Variants in ZNF548 observed in about 807,000 individuals in gnomAD.
The protein encoded by ZNF548 is zinc finger protein 548.
Under a neutral mutation model 10.2 loss-of-function variants are expected in ZNF548, and 10 were observed. The observed-to-expected ratio is 0.98, with a 90% CI of 0.60 to 1.66. ZNF548 has a LOEUF of 1.66. ZNF548 is among the 40% of genes most tolerant of loss of function. The pLI, the probability that ZNF548 is intolerant of heterozygous loss-of-function variation, is 0.00. For synonymous variants in ZNF548, 217 were observed against 223.5 expected (o/e 0.97, Z 0.26); for missense variants, 599 against 657.0 (o/e 0.91, Z 0.97).
rs1260286107 is a variant in ZNF548, at chr19:57,398,623, T to C, written c.372T>C (p.Tyr124=). The change falls in exon 4 of 4, where the codon TAT becomes TAC. Residue 124 remains tyrosine (Y), a synonymous_variant. Coordinates refer to ENST00000336128, the MANE Select transcript of ZNF548 (RefSeq NM_001172773.2). ...GAATTCATCCTGAGCAACACATATA[T>C]ATTTGTGAGGCAGAGCTTTTTCAGC... ...HNGIHPEQHI[Y]ICEAELFQHP... 1.2e-6 allele frequency: 2 copies of C among 1,613,914 alleles called. No individual in the cohort carries two copies. Among genetic ancestry groups the C allele is most frequent in the African/African-American group, 2.7e-5 (2 of 74,930 alleles).
chr19:57,398,550 CAT>C lies in ZNF548; in HGVS notation c.300_301del (p.Cys101TrpfsTer12). 6.2e-7 allele frequency: 1 copy of C among 1,614,068 alleles called. No individual in the cohort carries two copies. Among genetic ancestry groups the C allele is most frequent in the Non-Finnish European group, 8.5e-7 (1 of 1,179,904 alleles). ...AGCCAGAAGGTCCACCCTAGTGAGA[CAT>C]GTGGCCCACCCTTGAAAGACATTCT... On this transcript the variant is annotated frameshift_variant, in exon 4 of 4. Transcript: ENST00000336128. LOFTEE classifies it low-confidence loss of function (END_TRUNC).
rs1404255847 is a variant in ZNF548, at chr19:57,399,758, C to T, written c.1507C>T (p.His503Tyr). ...ECQKAFIRKS[H>Y]LVHHQKIHSE... ...CCAGAAGGCCTTTATTAGAAAGTCT[C>T]ACCTGGTTCATCACCAGAAAATCCA... The change falls in exon 4 of 4, where the codon CAC becomes TAC. Residue 503 changes from histidine (H) to tyrosine (Y), a missense_variant. Transcript: ENST00000336128. The surrounding 1 kb of genome is among the most constrained non-coding windows in gnomAD (Gnocchi z 4.0). 1 of 1,614,084 alleles carries T rather than the reference C, an allele frequency of 6.2e-7. No individual in the cohort carries two copies. The highest frequency in any genetic ancestry group is 8.5e-7 in the Non-Finnish European group (1 of 1,179,988).
chr19:57,396,970 T>A (rs1568532080), intron 2 of ZNF548, 78 bp from the exon 3 acceptor site: 6 of 1,520,062 alleles, frequency 3.9e-6, no homozygotes, highest in Non-Finnish European at 5.3e-6. Flanking sequence ...GTGGTAAATA[T>A]AAGTAGAAAA....
intron 1 of ZNF548, among the ~76,000 whole-genome samples, chr19:57,393,148 C>G (rs1449370446): frequency 6.6e-6 from 1 of 152,158 alleles, no homozygotes; most frequent in Admixed American, 6.5e-5. Context: ...ATCTACTGCT[C>G]CAGCCAAGGT....
rs750352130 is a variant in ZNF548, at chr19:57,398,850, A to C, written c.599A>C (p.Glu200Ala). 6.2e-7 allele frequency: 1 copy of C among 1,614,010 alleles called. No individual in the cohort carries two copies. The highest frequency in any genetic ancestry group is 8.5e-7 in the Non-Finnish European group (1 of 1,179,892). Reference sequence around the variant, plus strand: ...CCATACAGGGACACAGAGGACAGAGAAGCCTTTCAGACTGGACAAAATGAT... The same window carrying C: ...CCATACAGGGACACAGAGGACAGAGCAGCCTTTCAGACTGGACAAAATGAT... ...WKPYRDTEDR[E>A]AFQTGQNDYK... is the part of the protein sequence containing the mutation. Residue 200 changes from glutamate to alanine, a missense_variant, in exon 4 of 4, where the codon GAA (glutamate) becomes GCA (alanine). Transcript: ENST00000336128.
chr19:57,390,244 C>T (rs1656517248), intron 1 of ZNF548, 130 bp downstream of exon 1: 1 of 1,043,710 alleles, frequency 9.6e-7, no homozygotes, highest in South Asian at 1.8e-5. Context: ...CCCGTATCAG[C>T]CGATTTGATG....
At chr19:57,393,459 G>A (rs1407934151) in intron 1 of ZNF548, among the ~76,000 whole-genome samples, 1 of 151,484 alleles carries the variant, frequency 6.6e-6, no homozygotes, top group Admixed American at 6.6e-5. Flanking sequence ...TCGGGAGTTC[G>A]AGACCAGCCT....
rs752823592 is a variant in ZNF548 at position 57,397,068 on chromosome 19, C to G, written c.72C>G (p.Asp24Glu). 6.2e-7 allele frequency: 1 copy of G among 1,612,826 alleles called. No individual in the cohort carries two copies. The highest frequency in any genetic ancestry group is 8.5e-7 in the Non-Finnish European group (1 of 1,179,366). ...GGCAGGGCCGTGTGGTCTTTGAGGA[C>G]GTGGCCATATATTTCTCCCAGGAGG... ...DPTQGRVVFE[D>E]VAIYFSQEEW... Residue 24 changes from aspartate to glutamate, a missense_variant, in exon 3 of 4, where the codon GAC becomes GAG. Transcript: ENST00000336128.
At chr19:57,394,014 G>T (rs1056982328) in intron 1 of ZNF548, 174 bp from the exon 2 acceptor site, 4 of 681,250 alleles carry the variant, frequency 5.9e-6, no homozygotes, top group Non-Finnish European at 1.0e-5. Flanking sequence ...TGAAGCTCAG[G>T]TGGGTTTGGT....
intron 2 of ZNF548, 30 bp from the exon 3 acceptor site, chr19:57,397,018 C>T (rs775345721): frequency 1.3e-6 from 2 of 1,589,990 alleles, no homozygotes; most frequent in Non-Finnish European, 1.7e-6. Flanking sequence ...AAAGAAGCTG[C>T]TTATGTATTC....
At position 57,395,311 on chromosome 19, in the gene ZNF548, G is replaced by T. The variant is rs1205371313; in HGVS notation, c.51+1088G>T. 2.0e-5 allele frequency among the ~76,000 whole-genome samples: 3 copies of T among 152,156 alleles called. No homozygotes were observed. The highest frequency in any genetic ancestry group is 4.4e-5 in the Non-Finnish European group (3 of 68,030). The stretch of plus-strand genomic sequence containing the variant: ...GAGTGGACATGATGGGGTTGCTGAG[G>T]GGGGATAATAGGGTGAGGTCGGAGA... On this transcript the variant is annotated intron_variant, in intron 2 of 3. Transcript: ENST00000336128. This position sits in a 1 kb window ranked among gnomAD's most constrained non-coding sequence, Gnocchi z 4.8.
At position 57,400,482 on chromosome 19, in the gene ZNF548, G is replaced by C. The variant is rs2088706769; in HGVS notation, c.*593G>C. On this transcript the variant is annotated 3_prime_UTR_variant, in exon 4 of 4. Transcript: ENST00000336128. ...GAGTCTTGCTCTGTCACCCAGGCTG[G>C]AGTGCAGTGCTGTGATCTTGGCTCA... is the stretch of plus-strand genomic sequence containing the variant. 4 of 152,524 alleles carry C rather than the reference G, an allele frequency of 2.6e-5. No homozygotes were observed. The highest frequency in any genetic ancestry group is 2.6e-4 in the Admixed American group (4 of 15,282). 9.4% of individuals were successfully genotyped at this position (152,524 alleles called of 1,614,324 possible).
intron 3 of ZNF548, among the ~76,000 whole-genome samples, chr19:57,397,514 T>C (rs969786594): frequency 6.6e-6 from 1 of 152,102 alleles, no homozygotes; most frequent in Non-Finnish European, 1.5e-5. Flanking sequence ...CTCACTGATA[T>C]TTCTTGGTGC....
chr19:57,399,496 G>T lies in ZNF548; in HGVS notation c.1245G>T (p.Arg415Ser). Residue 415 changes from arginine (R) to serine (S), a missense_variant, in exon 4 of 4, where the codon AGG becomes AGT. Physicochemically the swap from Arg to Ser is moderately radical, Grantham distance 110. Transcript: ENST00000336128. This position sits in a 1 kb window ranked among gnomAD's most constrained non-coding sequence, Gnocchi z 4.0. Reference protein sequence around the residue: ...YKCSECGKSFRYHCRLIRHQR... With the variant: ...YKCSECGKSFSYHCRLIRHQR... ...GCAGTGAATGTGGGAAATCATTTAGGTACCACTGCAGGCTCATTAGACACC... is the reference window on the plus strand; with the variant it reads ...GCAGTGAATGTGGGAAATCATTTAGTTACCACTGCAGGCTCATTAGACACC... The T allele has an allele frequency of 6.2e-7, 1 of 1,613,778 alleles. No homozygotes were observed. Among genetic ancestry groups the T allele is most frequent in the Non-Finnish European group, 8.5e-7 (1 of 1,179,962 alleles).
chr19:57,401,451 A>T lies in ZNF548; in HGVS notation c.*1562A>T, dbSNP rs1451145861. 1 of 152,222 alleles carries T rather than the reference A, an allele frequency of 6.6e-6. No individual in the cohort carries two copies. The highest frequency in any genetic ancestry group is 2.4e-5 in the African/African-American group (1 of 41,456). 9.4% of individuals were successfully genotyped at this position (152,222 alleles called of 1,614,324 possible). ...TGTATTAGAAGTTATAAATAACCTAATGATAATCTATATAGGAAGATGTGT... is the reference window on the plus strand; with the variant it reads ...TGTATTAGAAGTTATAAATAACCTATTGATAATCTATATAGGAAGATGTGT... On this transcript the variant is annotated 3_prime_UTR_variant, in exon 4 of 4. Coordinates refer to ENST00000336128, the MANE Select transcript of ZNF548 (RefSeq NM_001172773.2).
chr19:57,399,769 T>C lies in ZNF548; in HGVS notation c.1518T>C (p.His506=), dbSNP rs767832702. The part of the protein sequence containing the change: ...KAFIRKSHLV[H]HQKIHSEERL... Reference sequence around the variant, plus strand: ...TTATTAGAAAGTCTCACCTGGTTCATCACCAGAAAATCCACAGTGAAGAGA... The same window carrying C: ...TTATTAGAAAGTCTCACCTGGTTCACCACCAGAAAATCCACAGTGAAGAGA... Residue 506 remains histidine (H), a synonymous_variant, in exon 4 of 4, where the codon CAT becomes CAC. Transcript: ENST00000336128. This position sits in a 1 kb window ranked among gnomAD's most constrained non-coding sequence, Gnocchi z 4.0. 6.2e-7 allele frequency: 1 copy of C among 1,614,072 alleles called. No individual in the cohort carries two copies. The highest frequency in any genetic ancestry group is 1.1e-5 in the South Asian group (1 of 91,082).
Position 57,399,532 on chromosome 19 carries a change from C to A in ZNF548, c.1281C>A (p.His427Gln). 1 of 1,614,186 alleles carries A rather than the reference C, an allele frequency of 6.2e-7. No homozygotes were observed. Among genetic ancestry groups the A allele is most frequent in the Non-Finnish European group, 8.5e-7 (1 of 1,180,018 alleles). ...GGCTCATTAGACACCAGAGAGTCCA[C>A]ACGGGAGAAAGGCCTTATGAGTGCA... ...HCRLIRHQRV[H>Q]TGERPYECSE... Residue 427 changes from histidine to glutamine, a missense_variant, in exon 4 of 4, where the codon CAC becomes CAA. Coordinates refer to ENST00000336128, the MANE Select transcript of ZNF548 (RefSeq NM_001172773.2). This position sits in a 1 kb window ranked among gnomAD's most constrained non-coding sequence, Gnocchi z 4.0.
Position 57,402,514 on chromosome 19 carries a change from G to C in ZNF548, c.*2625G>C, listed in dbSNP as rs2123050904. 1 of 152,304 alleles carries C rather than the reference G, an allele frequency of 6.6e-6. No homozygotes were observed. 9.4% of individuals were successfully genotyped at this position (152,304 alleles called of 1,614,324 possible). On this transcript the variant is annotated 3_prime_UTR_variant, in exon 4 of 4. Transcript: ENST00000336128. ...CCCTACCCAAGTTCTCTCATTCTTA[G>C]CTATAGGTAATAAATTGTTCTGATT...
intron 2 of ZNF548, among the ~76,000 whole-genome samples, chr19:57,394,439 A>G (rs1315078502): frequency 6.6e-6 from 1 of 152,212 alleles, no homozygotes; most frequent in Non-Finnish European, 1.5e-5. Context: ...TCTTGGGCAC[A>G]GGATTCAGAA....
Sources: gnomAD v4.1 joint callset for allele counts (sites outside exome capture counted in the v4.1 genomes callset) on GRCh38, gnomAD v4.1.1 for gene constraint, Gnocchi (gnomAD v3.1) non-coding constraint, MANE v1.5 for transcripts, NCBI Gene and HGNC (gene_info 2026-07-23, HGNC 2026-07-21) for gene names.